AIG1: variants seen among roughly 807,000 people sequenced by gnomAD.
AIG1 encodes androgen-induced gene 1 protein.
In AIG1, 23 loss-of-function variants were observed where a neutral mutation model predicts 31.4. That is an observed-to-expected ratio of 0.73 (90% CI 0.53 to 1.04). The LOEUF (loss-of-function observed/expected upper bound fraction) is 1.04, where lower values mean the gene tolerates loss of function less well. Ranked by LOEUF, AIG1 falls within the 50% of genes least tolerant of loss-of-function variation. The pLI, the probability that AIG1 is intolerant of heterozygous loss-of-function variation, is 0.00. For missense variants in AIG1, 274 were observed against 295.0 expected (o/e 0.93, Z 0.52); for synonymous variants, 100 against 110.5 (o/e 0.90, Z 0.60).
chr6:143,155,154 T>C (rs968186084), intron 2 of AIG1, among the ~76,000 whole-genome samples: 8 of 151,726 alleles, frequency 5.3e-5, no homozygotes, highest in Non-Finnish European at 1.2e-4. Context: ...CCACTCAAAA[T>C]AGTTTAAAAA....
At chr6:143,313,980 C>T (rs1192653055) in intron 4 of AIG1, among the ~76,000 whole-genome samples, 2 of 151,772 alleles carry the variant, frequency 1.3e-5, no homozygotes, top group Non-Finnish European at 1.5e-5. Context: ...TCCTATTCGG[C>T]ATCATATAGG....
At chr6:143,229,502 G>A (rs1381811482) in intron 3 of AIG1, among the ~76,000 whole-genome samples, 2 of 152,066 alleles carry the variant, frequency 1.3e-5, no homozygotes, top group Non-Finnish European at 2.9e-5. Flanking sequence ...TTTCACATTT[G>A]CAATTTAATG....
chr6:143,107,225 A>G (rs1489827213), intron 1 of AIG1, among the ~76,000 whole-genome samples: 1 of 152,230 alleles, frequency 6.6e-6, no homozygotes, highest in African/African-American at 2.4e-5. Flanking sequence ...GTGTATAGGC[A>G]GTATCAAGAA....
intron 3 of AIG1, among the ~76,000 whole-genome samples, chr6:143,232,385 A>G (rs1477059932): frequency 6.6e-6 from 1 of 152,162 alleles, no homozygotes; most frequent in Non-Finnish European, 1.5e-5. Flanking sequence ...GCAGCCCATG[A>G]AGTGCGGTTC....
chr6:143,201,583 C>A (rs559736594), intron 3 of AIG1, among the ~76,000 whole-genome samples: 1 of 152,292 alleles, frequency 6.6e-6, no homozygotes, highest in East Asian at 1.9e-4. Context: ...GTGGGTCCCA[C>A]AAGTAGAAGG....
intron 3 of AIG1, among the ~76,000 whole-genome samples, chr6:143,273,334 G>C (rs776738628): frequency 1.3e-5 from 2 of 152,142 alleles, no homozygotes; most frequent in Non-Finnish European, 2.9e-5. Context: ...AGAGTGCTGT[G>C]AATGATGTTT....
intron 3 of AIG1, among the ~76,000 whole-genome samples, chr6:143,248,301 G>T (rs959400360): frequency 2.0e-5 from 3 of 152,208 alleles, no homozygotes; most frequent in African/African-American, 7.2e-5. Context: ...GCCGCTGTTT[G>T]CATAGAGTAC....
At chr6:143,159,057 A>G (rs1786076215) in intron 2 of AIG1, among the ~76,000 whole-genome samples, 1 of 152,224 alleles carries the variant, frequency 6.6e-6, no homozygotes, top group Non-Finnish European at 1.5e-5. Flanking sequence ...AAAATAGACA[A>G]CAGAGCCCTG....
At chr6:143,191,156 C>G (rs888334873) in intron 3 of AIG1, among the ~76,000 whole-genome samples, 1 of 152,130 alleles carries the variant, frequency 6.6e-6, no homozygotes, top group Non-Finnish European at 1.5e-5. Context: ...GGCAAAGAGA[C>G]AAACCTGAGT....
intron 3 of AIG1, among the ~76,000 whole-genome samples, chr6:143,249,690 C>G (rs1177843987): frequency 6.6e-6 from 1 of 152,214 alleles, no homozygotes; most frequent in Non-Finnish European, 1.5e-5. Context: ...GTTTGCGTTA[C>G]TCAGAGCCTC....
chr6:143,318,137 G>GA (rs1350843401), intron 4 of AIG1, among the ~76,000 whole-genome samples: 3 of 151,866 alleles, frequency 2.0e-5, no homozygotes, highest in Non-Finnish European at 4.4e-5. Flanking sequence ...CACAGAATTA[G>GA]AAAAAACAAT....
intron 3 of AIG1, among the ~76,000 whole-genome samples, chr6:143,250,393 T>A (rs910643106): frequency 6.6e-6 from 1 of 152,236 alleles, no homozygotes. Flanking sequence ...AGATTTCCTA[T>A]GAGTAGTTTA....
chr6:143,098,984 C>A (rs896398358), intron 1 of AIG1, among the ~76,000 whole-genome samples: 3 of 152,042 alleles, frequency 2.0e-5, no homozygotes, highest in African/African-American at 7.2e-5. Flanking sequence ...TGAGAAATTG[C>A]CAAAGATCAG....
chr6:143,263,054 G>T (rs1324329296), intron 3 of AIG1, among the ~76,000 whole-genome samples: 1 of 152,166 alleles, frequency 6.6e-6, no homozygotes, highest in East Asian at 1.9e-4. Context: ...TGACTTGAAA[G>T]CTTGAAATGA....
intron 3 of AIG1, among the ~76,000 whole-genome samples, chr6:143,167,198 T>C (rs891671170): frequency 1.3e-5 from 2 of 152,200 alleles, no homozygotes; most frequent in Non-Finnish European, 1.5e-5. Context: ...CTTCAAACAT[T>C]ACACCAAAAA....
chr6:143,266,504 C>T (rs961450700), intron 3 of AIG1, among the ~76,000 whole-genome samples: 3 of 152,166 alleles, frequency 2.0e-5, no homozygotes, highest in African/African-American at 7.2e-5. Context: ...CACACACACA[C>T]ACAACTATGT....
chr6:143,204,438 G>A (rs1790947337), intron 3 of AIG1, among the ~76,000 whole-genome samples: 1 of 152,050 alleles, frequency 6.6e-6, no homozygotes, highest in Admixed American at 6.6e-5. Flanking sequence ...TCCAGGAGGT[G>A]AATTCCACCA....
intron 3 of AIG1, among the ~76,000 whole-genome samples, chr6:143,215,192 T>C (rs183336569): frequency 6.6e-6 from 1 of 152,240 alleles, no homozygotes; most frequent in East Asian, 1.9e-4. Flanking sequence ...AAACATAAGA[T>C]AAAATAAATA....
intron 2 of AIG1, among the ~76,000 whole-genome samples, chr6:143,140,494 G>A (rs1470382454): frequency 1.3e-5 from 2 of 152,046 alleles, no homozygotes; most frequent in Admixed American, 6.6e-5. Flanking sequence ...TGCTCAAAAG[G>A]GTCTAGAATC....
Sources: allele counts gnomAD v4.1 joint callset (sites outside exome capture counted in the v4.1 genomes callset), GRCh38; gene constraint gnomAD v4.1.1; transcripts MANE v1.5; gene names NCBI Gene and HGNC (gene_info 2026-07-23, HGNC 2026-07-21).